Variants in WNT2B observed in about 807,000 individuals in gnomAD.
The protein encoded by WNT2B is Wnt family member 2B, also known as protein Wnt-2b.
In WNT2B, 19 loss-of-function variants were observed where a neutral mutation model predicts 40.5. The observed-to-expected ratio is 0.47, with a 90% CI of 0.33 to 0.69. The LOEUF (loss-of-function observed/expected upper bound fraction) is 0.69. Among genes scored for constraint, WNT2B ranks in the 30% least tolerant of loss-of-function variants. The pLI, the probability that WNT2B is intolerant of heterozygous loss-of-function variation, is 0.02. For synonymous variants in WNT2B, 220 were observed against 211.9 expected (o/e 1.04, Z -0.33); for missense variants, 467 against 556.4 (o/e 0.84, Z 1.62).
intron 3 of WNT2B, among the ~76,000 whole-genome samples, chr1:112,516,747 ATGTGCCTAGTACTATGCTG>A (rs1209294022): frequency 6.6e-6 from 1 of 152,228 alleles, no homozygotes; most frequent in Non-Finnish European, 1.5e-5. Flanking sequence ...AACATCTTCT[ATGTGCCTAGTACTATGCTG>A]GAAAATGGCA....
At chr1:112,489,202 A>G (rs1345626977) in intron 1 of WNT2B, among the ~76,000 whole-genome samples, 1 of 152,050 alleles carries the variant, frequency 6.6e-6, no homozygotes, top group Non-Finnish European at 1.5e-5. Flanking sequence ...GGAATGAACT[A>G]TGCACATCTA....
intron 1 of WNT2B, among the ~76,000 whole-genome samples, chr1:112,498,721 CT>C (rs1557915060): frequency 6.6e-6 from 1 of 152,192 alleles, no homozygotes; most frequent in East Asian, 1.9e-4. Flanking sequence ...ATAGTCTTCA[CT>C]GTCCATATTT....
chr1:112,497,287 CTT>C (rs562554834), intron 1 of WNT2B, among the ~76,000 whole-genome samples: 139 of 152,348 alleles, frequency 9.1e-4, no homozygotes, highest in Non-Finnish European at 1.7e-3. Context: ...TGCAGCAAGT[CTT>C]TGCCCGGGCC....
intron 1 of WNT2B, among the ~76,000 whole-genome samples, chr1:112,478,250 A>G (rs1651111470): frequency 6.6e-6 from 1 of 152,092 alleles, no homozygotes; most frequent in African/African-American, 2.4e-5. Context: ...AGAGAGAGAA[A>G]ATAAAAAAGA....
chr1:112,471,359 C>T (rs573265470), intron 1 of WNT2B, among the ~76,000 whole-genome samples: 4 of 152,274 alleles, frequency 2.6e-5, no homozygotes, highest in East Asian at 3.9e-4. Flanking sequence ...GGATTCTCAC[C>T]GCCAACCTTG....
In WNT2B at chr1:112,521,443, G is replaced by A. The variant is rs1370190319; in HGVS notation, c.*934G>A. ...TGGATGGTGGGAGAGCAGGTAAGCA[G>A]GTCTGATCTCAAGGGCCCACATGAG... On this transcript the variant is annotated 3_prime_UTR_variant, in exon 5 of 5. Transcript: ENST00000369684. The A allele has an allele frequency of 6.6e-6, 1 of 151,930 alleles. No individual in the cohort carries two copies. The highest frequency in any genetic ancestry group is 1.9e-4 in the East Asian group (1 of 5,182). The allele number at this position is 151,930 out of a possible 1,614,324, so 9.4% of individuals were successfully genotyped here.
intron 1 of WNT2B, among the ~76,000 whole-genome samples, chr1:112,500,966 T>C (rs35518452): frequency 0.018 from 2,760 of 152,296 alleles, 98 homozygotes; most frequent in African/African-American, 0.063. Flanking sequence ...CCATACTTTG[T>C]TCAGAACGCC....
At chr1:112,468,818 A>G (rs1557904385) in intron 1 of WNT2B, among the ~76,000 whole-genome samples, 1 of 151,908 alleles carries the variant, frequency 6.6e-6, no homozygotes, top group Non-Finnish European at 1.5e-5. Flanking sequence ...ATACAGTCCT[A>G]TTTGTCTATT....
chr1:112,501,732 G>A (rs1651961251), intron 1 of WNT2B, among the ~76,000 whole-genome samples: 1 of 152,206 alleles, frequency 6.6e-6, no homozygotes, highest in Admixed American at 6.5e-5. Flanking sequence ...TGAGTGTAAA[G>A]AGGTCCTGAG....
chr1:112,513,408 C>A (rs1652421936), intron 1 of WNT2B, among the ~76,000 whole-genome samples: 1 of 152,208 alleles, frequency 6.6e-6, no homozygotes, highest in Non-Finnish European at 1.5e-5. Context: ...CCCTCTCACC[C>A]CTTCCCCGGG....
At chr1:112,490,219 AC>A (rs1349130720) in intron 1 of WNT2B, among the ~76,000 whole-genome samples, 1 of 152,128 alleles carries the variant, frequency 6.6e-6, no homozygotes, top group Non-Finnish European at 1.5e-5. Context: ...CATGTGCTGT[AC>A]AAAGACAACA....
intron 3 of WNT2B, 152 bp downstream of exon 3, chr1:112,516,569 C>A: frequency 1.8e-6 from 2 of 1,102,570 alleles, no homozygotes; most frequent in Non-Finnish European, 2.5e-6. Flanking sequence ...GAACTAAATG[C>A]AAGGGAGCTT....
chr1:112,488,857 T>C (rs147277775), intron 1 of WNT2B, among the ~76,000 whole-genome samples: 1 of 152,186 alleles, frequency 6.6e-6, no homozygotes, highest in Admixed American at 6.6e-5. Flanking sequence ...CCTGGCCCTT[T>C]ATTTACCGTT....
In WNT2B at chr1:112,509,299, C is replaced by T. The variant is rs879615118; in HGVS notation, c.37C>T (p.Leu13Phe). Reference sequence around the variant, plus strand: ...GGGTGGTGCGGAGGAAGCTGCGCAGCTCCCGCTTCGGCGCGCCAGCGCCCC... The same window carrying T: ...GGGTGGTGCGGAGGAAGCTGCGCAGTTCCCGCTTCGGCGCGCCAGCGCCCC... ...RPGGAEEAAQ[L>F]PLRRASAPVP... The change falls in exon 1 of 5, where the codon CTC becomes TTC. Residue 13 changes from leucine (L) to phenylalanine (F), a missense_variant. By Grantham distance (22) the Leu-to-Phe change is conservative. Transcript: ENST00000369684. The surrounding 1 kb of genome is among the most constrained non-coding windows in gnomAD (Gnocchi z 4.2). 25 of 1,553,068 alleles carry T rather than the reference C, an allele frequency of 1.6e-5. No individual in the cohort carries two copies. The highest frequency in any genetic ancestry group is 2.0e-5 in the Non-Finnish European group (23 of 1,155,378).
chr1:112,473,220 A>C (rs910556927), intron 1 of WNT2B, among the ~76,000 whole-genome samples: 1 of 147,940 alleles, frequency 6.8e-6, no homozygotes, highest in Non-Finnish European at 1.5e-5. Context: ...GAGGGAGAGG[A>C]AAGGAAGGAA....
rs71584737 is a variant in WNT2B, at chr1:112,486,132, A to AAC, written c.-95+18566_-95+18567dup. On this transcript the variant is annotated intron_variant, in intron 1 of 4. Transcript: ENST00000256640. Reference sequence around the variant, plus strand: ...AGCCTGGGCAAGATAATGAGTTTTTAACACACACACACACACACACACACA... The same window carrying AAC: ...AGCCTGGGCAAGATAATGAGTTTTTAACACACACACACACACACACACACACA... 3.4e-3 allele frequency among the ~76,000 whole-genome samples: 491 copies of AAC among 143,830 alleles called. 1 individual carries two copies. Among genetic ancestry groups the AAC allele is most frequent in the African/African-American group, 8.1e-3 (301 of 37,236 alleles). The allele number at this position is 143,830 out of a possible 152,430, so 94.4% of individuals were successfully genotyped here.
chr1:112,502,837 G>A (rs956696733), intron 1 of WNT2B, among the ~76,000 whole-genome samples: 4 of 152,108 alleles, frequency 2.6e-5, no homozygotes, highest in African/African-American at 7.2e-5. Flanking sequence ...TTGCGGACAG[G>A]GATTATGGAA....
In WNT2B at chr1:112,509,765, G is replaced by A. The variant is rs1652280286; in HGVS notation, c.182+321G>A. Among the ~76,000 whole-genome samples, 2 of 152,180 alleles carry A rather than the reference G, an allele frequency of 1.3e-5. No homozygotes were observed. Among genetic ancestry groups the A allele is most frequent in the African/African-American group, 4.8e-5 (2 of 41,444 alleles). On this transcript the variant is annotated intron_variant, in intron 1 of 4. Coordinates refer to ENST00000369684, the MANE Select transcript of WNT2B (RefSeq NM_024494.3). The surrounding 1 kb of genome is among the most constrained non-coding windows in gnomAD (Gnocchi z 4.2). Reference sequence around the variant, plus strand: ...AGCTACCTTCCGAGTTTCCCTCAGGGTGAGTTCAAGGAACGAATAACCTTC... The same window carrying A: ...AGCTACCTTCCGAGTTTCCCTCAGGATGAGTTCAAGGAACGAATAACCTTC...
chr1:112,478,331 G>C (rs545840892), intron 1 of WNT2B, among the ~76,000 whole-genome samples: 71 of 152,160 alleles, frequency 4.7e-4, no homozygotes, highest in Middle Eastern at 3.4e-3. Flanking sequence ...CAAATCTTGA[G>C]AGAGATATAG....
Sources: allele counts gnomAD v4.1 joint callset (sites outside exome capture counted in the v4.1 genomes callset), GRCh38; gene constraint gnomAD v4.1.1; non-coding constraint Gnocchi (gnomAD v3.1); transcripts MANE v1.5; gene names NCBI Gene and HGNC (gene_info 2026-07-23, HGNC 2026-07-21).